SCARA5: variants seen among roughly 807,000 people sequenced by gnomAD.
SCARA5 encodes scavenger receptor class A, member 5 (putative).
Under a neutral mutation model 46.3 loss-of-function variants are expected in SCARA5, and 45 were observed. That is an observed-to-expected ratio of 0.97 (90% CI 0.76 to 1.24). The LOEUF (loss-of-function observed/expected upper bound fraction) is 1.24. Among genes scored for constraint, SCARA5 ranks in the 50% most tolerant of loss-of-function variants. SCARA5 has a pLI of 0.00. For missense variants in SCARA5, 680 were observed against 689.0 expected, an observed-to-expected ratio of 0.99 and a Z score of 0.15; for synonymous variants, 333 against 306.5, an observed-to-expected ratio of 1.09 and a Z score of -0.90.
chr8:27,903,556 C>T (rs1241124557), intron 7 of SCARA5: 3 of 152,174 alleles, frequency 2.0e-5, no homozygotes, highest in African/African-American at 7.2e-5. Flanking sequence ...TGGTTATCGC[C>T]CATGTGGGAA....
In SCARA5 at chr8:27,870,731, GCC is replaced by G. The variant is rs1481273851; in HGVS notation, c.*1201_*1202del. On this transcript the variant is annotated 3_prime_UTR_variant, in exon 9 of 9. Transcript: ENST00000354914. The stretch of plus-strand genomic sequence containing the variant: ...GATTGCAGATTTATGGAGGCCCAAG[GCC>G]CCTTATTCCTACTCCCCACCCCCAG... 1 of 152,150 alleles carries G rather than the reference GCC, an allele frequency of 6.6e-6. No individual in the cohort carries two copies. The highest frequency in any genetic ancestry group is 1.9e-4 in the East Asian group (1 of 5,190). The allele number at this position is 152,150 out of a possible 1,614,324, so 9.4% of individuals were successfully genotyped here.
chr8:27,897,282 A>G lies in SCARA5; in HGVS notation c.1153+7496T>C, dbSNP rs140971587. Among the ~76,000 whole-genome samples, 126 of 152,250 alleles carry G rather than the reference A, an allele frequency of 8.3e-4. 4 individuals are homozygous for G. The East Asian group carries it at 0.023, about 28-fold the overall frequency. On this transcript the variant is annotated intron_variant, in intron 7 of 8. Transcript: ENST00000354914. ...TCAAAGGCTCCCGGGGACCTCCCGG[A>G]CTCAATCCGCAGAGCCCACAGCTGC...
intron 4 of SCARA5, among the ~76,000 whole-genome samples, chr8:27,917,756 T>C (rs533975358): frequency 6.6e-6 from 1 of 152,320 alleles, no homozygotes; most frequent in South Asian, 2.1e-4. Flanking sequence ...TAGGTCATAA[T>C]TCACTGTAAT....
intron 2 of SCARA5, among the ~76,000 whole-genome samples, chr8:27,974,295 C>T (rs1808491226): frequency 6.6e-6 from 1 of 152,156 alleles, no homozygotes; most frequent in Admixed American, 6.5e-5. Context: ...ATCAAAATGT[C>T]CTTTCCTTGA....
At chr8:27,991,905 G>A (rs1324595897) in intron 1 of SCARA5, among the ~76,000 whole-genome samples, 1 of 148,800 alleles carries the variant, frequency 6.7e-6, no homozygotes, top group African/African-American at 2.5e-5. Flanking sequence ...ACACACACAT[G>A]CACACACACG....
At chr8:27,947,689 G>C (rs1481311809) in intron 3 of SCARA5, among the ~76,000 whole-genome samples, 1 of 150,062 alleles carries the variant, frequency 6.7e-6, no homozygotes, top group Non-Finnish European at 1.5e-5. Flanking sequence ...GCCTGAACAT[G>C]GCGAAACCGT....
At chr8:27,918,548 G>C (rs1198888806) in intron 4 of SCARA5, among the ~76,000 whole-genome samples, 2 of 151,258 alleles carry the variant, frequency 1.3e-5, no homozygotes, top group East Asian at 3.9e-4. Flanking sequence ...GGAGGAAGAG[G>C]AAAAGGAGGA....
At chr8:27,938,255 G>A (rs1286811344) in intron 3 of SCARA5, among the ~76,000 whole-genome samples, 1 of 152,170 alleles carries the variant, frequency 6.6e-6, no homozygotes, top group African/African-American at 2.4e-5. Flanking sequence ...AACTTAAAAT[G>A]TCCTGTGGGG....
At chr8:27,904,430 A>T (rs1807217297) in intron 7 of SCARA5, 1 of 460,526 alleles carries the variant, frequency 2.2e-6, no homozygotes, top group Non-Finnish European at 3.8e-6. Flanking sequence ...TTCAATTTTC[A>T]CAATGACCTT....
chr8:27,975,694 T>TG (rs1808512350), intron 2 of SCARA5, among the ~76,000 whole-genome samples: 1 of 145,892 alleles, frequency 6.9e-6, no homozygotes, highest in Non-Finnish European at 1.6e-5. Context: ...AAAAACATTT[T>TG]GGTTTTTTTT....
At chr8:27,917,585 A>G (rs1189351331) in intron 4 of SCARA5, among the ~76,000 whole-genome samples, 3 of 152,108 alleles carry the variant, frequency 2.0e-5, no homozygotes, top group Admixed American at 6.5e-5. Flanking sequence ...CCCAATTTAG[A>G]TCTTGGCTTT....
chr8:27,945,570 T>C (rs1464990860), intron 3 of SCARA5, among the ~76,000 whole-genome samples: 10 of 152,214 alleles, frequency 6.6e-5, no homozygotes, highest in Non-Finnish European at 1.5e-4. Context: ...TTATGAAGCA[T>C]ACAGGTTGTG....
At chr8:27,894,825 A>G (rs1807036549) in intron 7 of SCARA5, among the ~76,000 whole-genome samples, 2 of 152,180 alleles carry the variant, frequency 1.3e-5, no homozygotes, top group Admixed American at 1.3e-4. Context: ...GTGGTTCCAA[A>G]TCACATCCCT....
Position 27,966,424 on chromosome 8 carries a change from GA to G in SCARA5, c.230del (p.Phe77SerfsTer3). On this transcript the variant is annotated frameshift_variant, in exon 3 of 9. Transcript: ENST00000354914. LOFTEE classifies it high-confidence loss of function. ...ATGGCCTGCTCTTACCTGCTAAGAT[GA>G]AGATGCCCACAAGAATCAGGAAGAC... ...LLVFLILVGIFILAVSRPRSS... is the reference protein window; with the variant it reads ...LLVFLILVGIXILAVSRPRSS... The G allele has an allele frequency of 6.2e-7, 1 of 1,609,852 alleles. No homozygotes were observed. Among genetic ancestry groups the G allele is most frequent in the Middle Eastern group, 1.7e-4 (1 of 6,018 alleles).
At chr8:27,891,405 C>T (rs879403636) in intron 7 of SCARA5, among the ~76,000 whole-genome samples, 1 of 152,036 alleles carries the variant, frequency 6.6e-6, no homozygotes, top group African/African-American at 2.4e-5. Context: ...AGGGTCTCAC[C>T]ATGTTGGCCA....
At chr8:27,989,685 T>C (rs1310711209) in intron 1 of SCARA5, among the ~76,000 whole-genome samples, 3 of 152,192 alleles carry the variant, frequency 2.0e-5, no homozygotes, top group African/African-American at 7.2e-5. Flanking sequence ...GGGGTGGTCC[T>C]CGGCTCTGCC....
chr8:27,905,961 T>C (rs1658690685), intron 6 of SCARA5, among the ~76,000 whole-genome samples: 1 of 152,188 alleles, frequency 6.6e-6, no homozygotes, highest in Admixed American at 6.5e-5. Context: ...TCTGCCTGCC[T>C]TGGCCTCCCA....
At chr8:27,907,114 G>C (rs761339112) in intron 6 of SCARA5, 34 bp downstream of exon 6, 1 of 1,513,044 alleles carries the variant, frequency 6.6e-7, no homozygotes. Context: ...TGGGACTGGT[G>C]GTGAGGCTCA....
At chr8:27,919,232 G>A (rs1585489130) in intron 4 of SCARA5, among the ~76,000 whole-genome samples, 1 of 75,252 alleles carries the variant, frequency 1.3e-5, no homozygotes, top group East Asian at 3.9e-4. Flanking sequence ...AGGAGGAGGA[G>A]GAAGAGACGG....
Sources: gnomAD v4.1 joint callset for allele counts (sites outside exome capture counted in the v4.1 genomes callset) on GRCh38, gnomAD v4.1.1 for gene constraint, MANE v1.5 for transcripts, NCBI Gene and HGNC (gene_info 2026-07-23, HGNC 2026-07-21) for gene names.